Variants in AGBL4 observed in about 807,000 individuals in gnomAD.
The protein encoded by AGBL4 is AGBL carboxypeptidase 4.
A neutral mutation model predicts 66.4 loss-of-function variants in AGBL4; 58 were observed. That is an observed-to-expected ratio of 0.87 (90% confidence interval 0.71 to 1.09). The LOEUF (loss-of-function observed/expected upper bound fraction) is 1.09. Ranked by LOEUF, AGBL4 falls within the 50% of genes least tolerant of loss-of-function variation. The probability of loss-of-function intolerance (pLI) is 0.00; values close to 1 mark genes in which losing one functional copy is unlikely to be tolerated. For missense variants in AGBL4, 579 were observed against 631.0 expected, an observed-to-expected ratio of 0.92 and a Z score of 0.88; for synonymous variants, 234 against 222.9, an observed-to-expected ratio of 1.05 and a Z score of -0.44.
chr1:48,961,380 T>C (rs1484599091), intron 5 of AGBL4, among the ~76,000 whole-genome samples: 1 of 152,228 alleles, frequency 6.6e-6, no homozygotes, highest in East Asian at 1.9e-4. Context: ...GCTGAATCAA[T>C]ACTTTCTCCT....
At chr1:49,500,170 T>C (rs183403133) in intron 3 of AGBL4, among the ~76,000 whole-genome samples, 4 of 152,124 alleles carry the variant, frequency 2.6e-5, no homozygotes, top group African/African-American at 9.7e-5. Context: ...CATTTGTATA[T>C]CTTCTTTTGA....
Position 50,023,776 on chromosome 1 carries a change from C to T in AGBL4, c.21G>A (p.Ser7=). ...GCCCCCACAGACCTGCCTCAGGCGC[C>T]GACTGGCTCCCCTCCGCCATTTTTG... MAEGSQ[S]APEAGNDMGN... is the part of the protein sequence containing the mutation. Residue 7 remains serine (S), a synonymous_variant, in exon 1 of 14, where the codon TCG becomes TCA. Transcript: ENST00000371839. 1 of 1,549,416 alleles carries T rather than the reference C, an allele frequency of 6.5e-7. No individual in the cohort carries two copies. The highest frequency in any genetic ancestry group is 8.7e-7 in the Non-Finnish European group (1 of 1,146,074).
intron 5 of AGBL4, among the ~76,000 whole-genome samples, chr1:48,987,637 AAC>A (rs1393788821): frequency 6.6e-6 from 1 of 152,150 alleles, no homozygotes; most frequent in Non-Finnish European, 1.5e-5. Context: ...CGATTTGAAC[AAC>A]ACTATCAACC....
intron 2 of AGBL4, among the ~76,000 whole-genome samples, chr1:49,727,640 G>A (rs895903539): frequency 6.6e-6 from 1 of 152,056 alleles, no homozygotes; most frequent in Non-Finnish European, 1.5e-5. Flanking sequence ...CCAAATACAA[G>A]AACTGCTGCC....
At chr1:49,772,081 T>C (rs1331835919) in intron 2 of AGBL4, among the ~76,000 whole-genome samples, 3 of 152,122 alleles carry the variant, frequency 2.0e-5, no homozygotes, top group African/African-American at 7.2e-5. Flanking sequence ...TTTACTTTTG[T>C]GGTTTTGTGG....
rs143093258 is a variant in AGBL4, at chr1:48,541,108, C to G, written c.1268-1370G>C. The stretch of plus-strand genomic sequence containing the variant: ...CCCTTCACATTCCAGAAACACTGAG[C>G]TTCTTCTGCCTCCAGGCCTGTGCCC... On this transcript the variant is annotated intron_variant, in intron 11 of 13. Transcript: ENST00000371839. 2.6e-5 allele frequency among the ~76,000 whole-genome samples: 4 copies of G among 152,328 alleles called. No homozygotes were observed. The East Asian group carries it at 7.7e-4, about 29-fold the overall frequency.
chr1:48,696,478 C>T (rs1646715699), intron 6 of AGBL4, among the ~76,000 whole-genome samples: 1 of 152,070 alleles, frequency 6.6e-6, no homozygotes, highest in Non-Finnish European at 1.5e-5. Flanking sequence ...GAAATGAGGC[C>T]CAAGGTCATA....
At chr1:49,755,435 C>T (rs1021729090) in intron 2 of AGBL4, among the ~76,000 whole-genome samples, 5 of 152,168 alleles carry the variant, frequency 3.3e-5, no homozygotes, top group Admixed American at 2.6e-4. Context: ...CTTCAGCTGC[C>T]ACACACAAAC....
chr1:49,361,000 G>C (rs1195730804), intron 3 of AGBL4, among the ~76,000 whole-genome samples: 2 of 151,950 alleles, frequency 1.3e-5, no homozygotes, highest in African/African-American at 4.8e-5. Flanking sequence ...GTTTCACCGT[G>C]TTGGCCAGGC....
At chr1:49,206,859 T>TGGAGGAGA (rs1648175130) in intron 4 of AGBL4, among the ~76,000 whole-genome samples, 1 of 63,872 alleles carries the variant, frequency 1.6e-5, no homozygotes, top group African/African-American at 7.0e-5. Context: ...AGACTTTAGA[T>TGGAGGAGA]GGAGAGGAGA....
intron 4 of AGBL4, among the ~76,000 whole-genome samples, chr1:49,135,519 T>C (rs1258613694): frequency 3.3e-5 from 5 of 152,088 alleles, no homozygotes; most frequent in Non-Finnish European, 7.4e-5. Context: ...GAACAGAGAT[T>C]TACCCACATG....
At chr1:48,946,058 A>G (rs1282653727) in intron 5 of AGBL4, among the ~76,000 whole-genome samples, 1 of 152,210 alleles carries the variant, frequency 6.6e-6, no homozygotes. Flanking sequence ...ACCCACGAGG[A>G]ACACCATTCT....
intron 1 of AGBL4, among the ~76,000 whole-genome samples, chr1:49,884,895 A>C (rs1049511900): frequency 6.6e-6 from 1 of 151,890 alleles, no homozygotes; most frequent in African/African-American, 2.4e-5. Context: ...GAAATAATAT[A>C]ATTATAATCT....
intron 3 of AGBL4, among the ~76,000 whole-genome samples, chr1:49,607,628 T>A (rs1162166059): frequency 6.6e-6 from 1 of 152,134 alleles, no homozygotes; most frequent in Non-Finnish European, 1.5e-5. Context: ...TTAATTACAG[T>A]CTGCCTTTAA....
intron 5 of AGBL4, among the ~76,000 whole-genome samples, chr1:48,950,715 C>A (rs546589967): frequency 2.0e-4 from 30 of 152,252 alleles, no homozygotes; most frequent in Non-Finnish European, 3.5e-4. Context: ...TTAAAAGGCT[C>A]CCAGCTCCCT....
At chr1:49,342,704 T>G (rs916388137) in intron 3 of AGBL4, among the ~76,000 whole-genome samples, 1 of 152,218 alleles carries the variant, frequency 6.6e-6, no homozygotes, top group African/African-American at 2.4e-5. Context: ...AATTTCCAGC[T>G]TAGGGAATGA....
chr1:48,776,460 CA>C lies in AGBL4; in HGVS notation c.634+90730del, dbSNP rs1420566738. Reference sequence around the variant, plus strand: ...TGGCCTCTTAGAGACACCCCGTTCCCAAATGAAATGCCCAGAGGACGGGAGA... The same window carrying C: ...TGGCCTCTTAGAGACACCCCGTTCCCAATGAAATGCCCAGAGGACGGGAGA... On this transcript the variant is annotated intron_variant, in intron 6 of 13. Coordinates refer to ENST00000371839, the MANE Select transcript of AGBL4 (RefSeq NM_032785.4). The C allele has an allele frequency of 3.2e-5, 20 of 625,494 alleles. 1 individual carries two copies. In the East Asian group the frequency reaches 6.3e-4, roughly 20 times the overall value. The allele number at this position is 625,494 out of a possible 1,614,324, so 38.7% of individuals were successfully genotyped here. A position where few individuals can be genotyped will look rare whatever the true frequency, so the allele number is the denominator to read the frequency against.
chr1:49,709,898 C>T (rs1310781223), intron 2 of AGBL4, among the ~76,000 whole-genome samples: 1 of 152,154 alleles, frequency 6.6e-6, no homozygotes. Context: ...TAGATACCAT[C>T]TCATGCCAGT....
At chr1:48,758,749 ACT>A (rs1428409837) in intron 6 of AGBL4, 2 of 631,192 alleles carry the variant, frequency 3.2e-6, no homozygotes, top group Non-Finnish European at 5.1e-6. Context: ...GTGGGGAGTG[ACT>A]CTTCCTTGAG....
Sources: allele counts gnomAD v4.1 joint callset (sites outside exome capture counted in the v4.1 genomes callset), GRCh38; gene constraint gnomAD v4.1.1; transcripts MANE v1.5; gene names NCBI Gene and HGNC (gene_info 2026-07-23, HGNC 2026-07-21).